APOBEC4: variants seen among roughly 807,000 people sequenced by gnomAD.
The protein encoded by APOBEC4 is putative deaminase APOBEC-4.
For missense variants in APOBEC4, 375 were observed against 441.2 expected (o/e 0.85, Z 1.34); for synonymous variants, 141 against 154.2 (o/e 0.91, Z 0.63).
intron 1 of APOBEC4, among the ~76,000 whole-genome samples, chr1:183,652,309 T>A (rs1650818879): frequency 6.6e-6 from 1 of 152,244 alleles, no homozygotes; most frequent in South Asian, 2.1e-4. Flanking sequence ...ACATCATTAC[T>A]GTCTTTAAGG....
chr1:183,648,351 G>A lies in APOBEC4; in HGVS notation c.431C>T (p.Thr144Met), dbSNP rs779521158. ...AATACTAAGAGTGATGCCTGGATAC[G>A]TAATCAGGAAATTATACATTTTGCT... is the stretch of plus-strand genomic sequence containing the variant. ...CISKMYNFLITYPGITLSIYF... is the reference protein window; with the variant it reads ...CISKMYNFLIMYPGITLSIYF... Residue 144 changes from threonine to methionine, a missense_variant, in exon 2 of 2, where the codon ACG becomes ATG. Coordinates refer to ENST00000308641, the MANE Select transcript of APOBEC4 (RefSeq NM_203454.3). 18 of 1,614,100 alleles carry A rather than the reference G, an allele frequency of 1.1e-5. No homozygotes were observed. The highest frequency in any genetic ancestry group is 6.7e-5 in the African/African-American group (5 of 74,912).
rs1650442287 is a variant in APOBEC4, at chr1:183,648,149, A to C, written c.633T>G (p.Phe211Leu). 2 of 1,614,204 alleles carry C rather than the reference A, an allele frequency of 1.2e-6. No individual in the cohort carries two copies. Among genetic ancestry groups the C allele is most frequent in the Non-Finnish European group, 1.7e-6 (2 of 1,180,018 alleles). ...FISGVSGSHV[F>L]QPILTGRALA... ...GTGCTCTCCCAGTTAAAATGGGCTGAAAAACATGTGATCCTGAGACACCAC... is the reference window on the plus strand; with the variant it reads ...GTGCTCTCCCAGTTAAAATGGGCTGCAAAACATGTGATCCTGAGACACCAC... Residue 211 changes from phenylalanine (F) to leucine (L), a missense_variant, in exon 2 of 2, where the codon TTT (phenylalanine) becomes TTG (leucine). Phe to Leu is a conservative substitution (Grantham distance 22). Transcript: ENST00000308641.
intron 1 of APOBEC4, among the ~76,000 whole-genome samples, chr1:183,650,079 C>T (rs1201851560): frequency 6.6e-6 from 1 of 152,044 alleles, no homozygotes; most frequent in Non-Finnish European, 1.5e-5. Context: ...TCCCAAAGTG[C>T]TGGGATTACA....
chr1:183,650,310 A>G (rs1650632413), intron 1 of APOBEC4, among the ~76,000 whole-genome samples: 3 of 152,160 alleles, frequency 2.0e-5, no homozygotes, highest in South Asian at 4.1e-4. Context: ...TTGGGAGGCC[A>G]GGGTGGGCGG....
chr1:183,648,926 A>ATATG, intron 1 of APOBEC4, 115 bp from the exon 2 acceptor site: 1 of 637,932 alleles, frequency 1.6e-6, no homozygotes, highest in Non-Finnish European at 2.6e-6. Flanking sequence ...AGATAGTGAT[A>ATATG]TATGCATAGA....
intron 1 of APOBEC4, among the ~76,000 whole-genome samples, chr1:183,651,348 A>T (rs78535748): frequency 2.0e-5 from 3 of 152,146 alleles, no homozygotes; most frequent in Non-Finnish European, 2.9e-5. Flanking sequence ...CTCACTTATC[A>T]TATCACAAGT....
At chr1:183,648,985 G>A (rs183310381) in intron 1 of APOBEC4, among the ~76,000 whole-genome samples, 174 bp from the exon 2 acceptor site, 396 of 152,296 alleles carry the variant, frequency 2.6e-3, no homozygotes, top group Middle Eastern at 6.8e-3. Context: ...CTAGAGCATG[G>A]GGAGGAAACA....
At chr1:183,649,162 C>G (rs1650536087) in intron 1 of APOBEC4, among the ~76,000 whole-genome samples, 1 of 152,202 alleles carries the variant, frequency 6.6e-6, no homozygotes, top group Admixed American at 6.5e-5. Flanking sequence ...TTGGGAGCCA[C>G]AGATTCCTTG....
rs1443446948 is a variant in APOBEC4 at position 183,647,982 on chromosome 1, A to G, written c.800T>C (p.Phe267Ser). Residue 267 changes from phenylalanine to serine, a missense_variant, in exon 2 of 2, where the codon TTT (phenylalanine) becomes TCT (serine). Transcript: ENST00000308641. ...CGGCATTTGAAAAAACTGTCCAGGA[A>G]AGGCATTGTTTAAGGGGTAGCTCTC... ...ALESYPLNNA[F>S]PGQFFQMPSG... 1 of 1,614,202 alleles carries G rather than the reference A, an allele frequency of 6.2e-7. No individual in the cohort carries two copies. The highest frequency in any genetic ancestry group is 2.2e-5 in the East Asian group (1 of 44,894).
chr1:183,648,494 T>G lies in APOBEC4; in HGVS notation c.288A>C (p.Ser96=). 4 of 1,614,210 alleles carry G rather than the reference T, an allele frequency of 2.5e-6. No homozygotes were observed. Among genetic ancestry groups the G allele is most frequent in the Non-Finnish European group, 3.4e-6 (4 of 1,180,036 alleles). The part of the protein sequence containing the change: ...SCTGNYIHPE[S]MLFEMNGYLD... ...GATAACCATTCATTTCAAAGAGCATTGATTCTGGATGGATATAATTCCCAG... is the reference window on the plus strand; with the variant it reads ...GATAACCATTCATTTCAAAGAGCATGGATTCTGGATGGATATAATTCCCAG... The change falls in exon 2 of 2, where the codon TCA becomes TCC. Residue 96 remains serine (S), a synonymous_variant. Transcript: ENST00000308641.
rs1429322275 is a variant in APOBEC4 at position 183,648,656 on chromosome 1, TC to T, written c.125del (p.Arg42LysfsTer30). 1 of 1,614,094 alleles carries T rather than the reference TC, an allele frequency of 6.2e-7. No homozygotes were observed. Among genetic ancestry groups the T allele is most frequent in the African/African-American group, 1.3e-5 (1 of 74,934 alleles). ...TCTGACAAAATTCTGTGAGGGAAAC[TC>T]TTGCTTCTTCACCTGTTCGAATATG... ...PYHIRTGEEA[R>X]VSLTEFCQIF... On this transcript the variant is annotated frameshift_variant, in exon 2 of 2. Coordinates refer to ENST00000308641, the MANE Select transcript of APOBEC4 (RefSeq NM_203454.3). LOFTEE classifies it low-confidence loss of function (END_TRUNC).
intron 1 of APOBEC4, among the ~76,000 whole-genome samples, chr1:183,649,246 A>C (rs1650542324): frequency 6.6e-6 from 1 of 152,242 alleles, no homozygotes; most frequent in African/African-American, 2.4e-5. Flanking sequence ...AATGAATATA[A>C]AATGCTTCAC....
At chr1:183,652,762 A>T (rs1177811217) in intron 1 of APOBEC4, among the ~76,000 whole-genome samples, 1 of 152,170 alleles carries the variant, frequency 6.6e-6, no homozygotes, top group Non-Finnish European at 1.5e-5. Flanking sequence ...TGGGAAATAC[A>T]TGTTATACTC....
chr1:183,650,298 C>T (rs150372409), intron 1 of APOBEC4, among the ~76,000 whole-genome samples: 10,295 of 152,156 alleles, frequency 0.068, 611 homozygotes, highest in African/African-American at 0.16. Flanking sequence ...AATCCCAGCA[C>T]TTTGGGAGGC....
rs1650501038 is a variant in APOBEC4 at position 183,648,712 on chromosome 1, A to G, written c.70T>C (p.Phe24Leu). Residue 24 changes from phenylalanine to leucine, a missense_variant, in exon 2 of 2, where the codon TTC becomes CTC. Phe to Leu is a conservative substitution (Grantham distance 22). Coordinates refer to ENST00000308641, the MANE Select transcript of APOBEC4 (RefSeq NM_203454.3). The part of the protein sequence containing the change: ...TIVKPYYWLS[F>L]SLDCSNCPYH... ...GGACAATTAGAGCAATCGAGAGAGA[A>G]GCTTAGCCAGTAATATGGTTTTACT... is the stretch of plus-strand genomic sequence containing the variant. The G allele has an allele frequency of 1.2e-6, 2 of 1,614,024 alleles. No individual in the cohort carries two copies. The highest frequency in any genetic ancestry group is 1.7e-6 in the Non-Finnish European group (2 of 1,180,032).
intron 1 of APOBEC4, among the ~76,000 whole-genome samples, chr1:183,649,978 A>AT (rs1209761964): frequency 2.6e-5 from 4 of 151,656 alleles, no homozygotes; most frequent in African/African-American, 9.7e-5. Context: ...TGCCCAGATA[A>AT]TTTTTTTATT....
In APOBEC4 at chr1:183,648,243, A is replaced by G. The variant is rs779312912; in HGVS notation, c.539T>C (p.Leu180Ser). The stretch of plus-strand genomic sequence containing the variant: ...TGGACTCAAAACAACCCGCGGCCAT[A>G]AGCTGGCCAGGCTCCGGAGAGCTTC... ...NREALRSLAS[L>S]WPRVVLSPIS... is the part of the protein sequence containing the mutation. The change falls in exon 2 of 2, where the codon TTA becomes TCA. Residue 180 changes from leucine (L) to serine (S), a missense_variant. Transcript: ENST00000308641. 3 of 1,614,204 alleles carry G rather than the reference A, an allele frequency of 1.9e-6. No individual in the cohort carries two copies. Among genetic ancestry groups the G allele is most frequent in the Non-Finnish European group, 2.5e-6 (3 of 1,180,036 alleles).
rs1650306535 is a variant in APOBEC4 at position 183,646,535 on chromosome 1, A to G, written c.*1143T>C. 2 of 152,338 alleles carry G rather than the reference A, an allele frequency of 1.3e-5. No individual in the cohort carries two copies. Among genetic ancestry groups the G allele is most frequent in the Admixed American group, 6.5e-5 (1 of 15,306 alleles). 9.4% of individuals were successfully genotyped at this position (152,338 alleles called of 1,614,324 possible). On this transcript the variant is annotated 3_prime_UTR_variant, in exon 2 of 2. Transcript: ENST00000308641. The stretch of plus-strand genomic sequence containing the variant: ...AAGTGGCAGCAAATGTGAAATAAGC[A>G]TAAGCAAAGTGCTTTCATTTAAGTG...
Position 183,648,760 on chromosome 1 carries a change from A to G in APOBEC4, c.22T>C (p.Tyr8His). ...ACTATTGTTCCATGATTTGCTAGGT[A>G]CTCCTCATATATGGGCTCCATTGCT... MEPIYEE[Y>H]LANHGTIVKP... Residue 8 changes from tyrosine to histidine, a missense_variant, in exon 2 of 2, where the codon TAC (tyrosine) becomes CAC (histidine). Transcript: ENST00000308641. 4 of 1,609,276 alleles carry G rather than the reference A, an allele frequency of 2.5e-6. No homozygotes were observed. The highest frequency in any genetic ancestry group is 2.2e-5 in the South Asian group (2 of 90,662).
Sources: gnomAD v4.1 joint callset for allele counts (sites outside exome capture counted in the v4.1 genomes callset) on GRCh38, gnomAD v4.1.1 for gene constraint, MANE v1.5 for transcripts, NCBI Gene and HGNC (gene_info 2026-07-23, HGNC 2026-07-21) for gene names.